The following SELENOI variants were observed in gnomAD, a reference collection of about 807,000 sequenced individuals.
The protein encoded by SELENOI is selenoprotein I.
SELENOI carries 24 observed loss-of-function variants against 50.7 expected under a neutral mutation model. The observed-to-expected ratio is 0.47, with a 90% CI of 0.34 to 0.67. The LOEUF is 0.67. Ranked by LOEUF, SELENOI falls within the 30% of genes least tolerant of loss-of-function variation. The pLI is 0.01. For missense variants in SELENOI, 352 were observed against 461.4 expected, an observed-to-expected ratio of 0.76 and a Z score of 2.17; for synonymous variants, 155 against 170.2, an observed-to-expected ratio of 0.91 and a Z score of 0.70.
At chr2:26,384,841 A>G in intron 7 of SELENOI, 118 bp from the exon 8 acceptor site, 1 of 663,834 alleles carries the variant, frequency 1.5e-6, no homozygotes, top group Non-Finnish European at 2.3e-6. Flanking sequence ...TGTCTATGCC[A>G]CAAGATTATT....
At chr2:26,355,929 A>G (rs2147945580) in intron 1 of SELENOI, among the ~76,000 whole-genome samples, 1 of 151,846 alleles carries the variant, frequency 6.6e-6, no homozygotes, top group Middle Eastern at 3.4e-3. Context: ...TTTTGTAGAA[A>G]TGGGGTTTCT....
chr2:26,362,421 A>G (rs973668273), intron 1 of SELENOI, among the ~76,000 whole-genome samples: 2 of 152,222 alleles, frequency 1.3e-5, no homozygotes, highest in Non-Finnish European at 2.9e-5. Context: ...AGATACTCAA[A>G]TGATTACTAC....
rs1294757780 is a variant in SELENOI, at chr2:26,389,002, T to C, written c.1096-3T>C. The C allele has an allele frequency of 2.5e-6, 4 of 1,576,244 alleles. No homozygotes were observed. The highest frequency in any genetic ancestry group is 3.5e-6 in the Non-Finnish European group (4 of 1,158,628). On this transcript the variant is annotated splice_polypyrimidine_tract_variant and splice_region_variant and intron_variant, in intron 9 of 9. Transcript: ENST00000260585. Reference sequence around the variant, plus strand: ...CACTGTCTCATGTTCTGATTTTTCATAGGTAAAGCAGCTGAGCAGCCATTT... The same window carrying C: ...CACTGTCTCATGTTCTGATTTTTCACAGGTAAAGCAGCTGAGCAGCCATTT...
chr2:26,382,678 TAG>T (rs2147961484), intron 6 of SELENOI, among the ~76,000 whole-genome samples: 1 of 152,130 alleles, frequency 6.6e-6, no homozygotes, highest in South Asian at 2.1e-4. Context: ...CGAATGGAAG[TAG>T]CTAGGGGGAG....
chr2:26,380,049 C>T (rs777657993), intron 6 of SELENOI, among the ~76,000 whole-genome samples: 4 of 152,202 alleles, frequency 2.6e-5, no homozygotes, highest in Non-Finnish European at 5.9e-5. Context: ...TTAAAGTCAC[C>T]ACTCTGTGGT....
chr2:26,366,418 A>G (rs1252169628), intron 3 of SELENOI, among the ~76,000 whole-genome samples: 1 of 152,174 alleles, frequency 6.6e-6, no homozygotes, highest in Non-Finnish European at 1.5e-5. Context: ...ACTCTAAATA[A>G]GATTATTTAC....
rs1375093800 is a variant in SELENOI, at chr2:26,370,572, GCGCCCC to G, written c.311-2794_311-2789del. On this transcript the variant is annotated intron_variant, in intron 4 of 9. Coordinates refer to ENST00000260585, the MANE Select transcript of SELENOI (RefSeq NM_033505.4). ...TCCCAGTAGGGGCCACCGGGCAGAG[GCGCCCC>G]TCACCTCCCGGACGGGGCGGCTGGC... Among the ~76,000 whole-genome samples, 114 of 78,728 alleles carry G rather than the reference GCGCCCC, an allele frequency of 1.4e-3. 13 individuals carry two copies. Among genetic ancestry groups the G allele is most frequent in the African/African-American group, 3.8e-3 (86 of 22,902 alleles). 51.6% of individuals were successfully genotyped at this position (78,728 alleles called of 152,430 possible). A position where few individuals can be genotyped will look rare whatever the true frequency, so the allele number is the denominator to read the frequency against.
chr2:26,360,833 A>T (rs968910048), intron 1 of SELENOI, among the ~76,000 whole-genome samples: 1 of 152,174 alleles, frequency 6.6e-6, no homozygotes, highest in African/African-American at 2.4e-5. Flanking sequence ...CTGAAGACTT[A>T]AATTCAGGCA....
intron 1 of SELENOI, among the ~76,000 whole-genome samples, chr2:26,363,782 T>A (rs1240463013): frequency 6.6e-6 from 1 of 152,130 alleles, no homozygotes; most frequent in Non-Finnish European, 1.5e-5. Flanking sequence ...TATTATTATT[T>A]TTGAGACTCA....
Position 26,354,629 on chromosome 2 carries a change from G to T in SELENOI, c.57+8340G>T, listed in dbSNP as rs561055026. Reference sequence around the variant, plus strand: ...GATGGTCTTGATCTCCTGACTTCATGATTCGCCCGCCTTGGCCTTCCAAAG... The same window carrying T: ...GATGGTCTTGATCTCCTGACTTCATTATTCGCCCGCCTTGGCCTTCCAAAG... On this transcript the variant is annotated intron_variant, in intron 1 of 9. Coordinates refer to ENST00000260585, the MANE Select transcript of SELENOI (RefSeq NM_033505.4). 2.8e-4 allele frequency among the ~76,000 whole-genome samples: 43 copies of T among 151,994 alleles called. No homozygotes were observed. The South Asian group carries it at 8.9e-3, about 32-fold the overall frequency.
chr2:26,354,446 G>C (rs1012112926), intron 1 of SELENOI, among the ~76,000 whole-genome samples: 6 of 152,138 alleles, frequency 3.9e-5, no homozygotes, highest in Non-Finnish European at 7.3e-5. Context: ...GAGTGCAGTG[G>C]TGCGATCTCG....
chr2:26,349,932 CAAAAAAAAAA>C (rs70950184), intron 1 of SELENOI, among the ~76,000 whole-genome samples: 1 of 55,286 alleles, frequency 1.8e-5, no homozygotes, highest in Middle Eastern at 0.011. Context: ...CTCATCTCCA[CAAAAAAAAAA>C]AAAAAAAAAA....
intron 1 of SELENOI, among the ~76,000 whole-genome samples, chr2:26,357,399 T>C (rs1218318802): frequency 6.6e-6 from 1 of 152,232 alleles, no homozygotes; most frequent in Non-Finnish European, 1.5e-5. Flanking sequence ...CTCTTCTTTT[T>C]TGGGAGCTGG....
chr2:26,388,960 A>G (rs757469362), intron 9 of SELENOI, 45 bp from the exon 10 acceptor site: 2 of 1,408,344 alleles, frequency 1.4e-6, no homozygotes, highest in South Asian at 1.2e-5. Flanking sequence ...TTAAAAAACA[A>G]TAAGGTACAT....
chr2:26,358,445 C>G (rs182290936), intron 1 of SELENOI, among the ~76,000 whole-genome samples: 1 of 152,224 alleles, frequency 6.6e-6, no homozygotes, highest in Admixed American at 6.5e-5. Flanking sequence ...GTCTCAAACT[C>G]CTGGGCTCAA....
intron 9 of SELENOI, among the ~76,000 whole-genome samples, chr2:26,386,892 T>C (rs1677855311): frequency 6.6e-6 from 1 of 152,250 alleles, no homozygotes; most frequent in South Asian, 2.1e-4. Context: ...GTTAATTATC[T>C]ATTTCTTCAC....
intron 1 of SELENOI, among the ~76,000 whole-genome samples, chr2:26,362,857 C>A (rs1574753527): frequency 6.6e-6 from 1 of 152,134 alleles, no homozygotes; most frequent in East Asian, 1.9e-4. Flanking sequence ...ATACTGTGAA[C>A]CCTCAAGGAG....
chr2:26,379,300 G>A (rs540167859), intron 6 of SELENOI, among the ~76,000 whole-genome samples: 6 of 152,198 alleles, frequency 3.9e-5, no homozygotes, highest in East Asian at 1.9e-4. Flanking sequence ...TTTAATCTAC[G>A]TAGCTTTTCC....
At chr2:26,346,925 ACCC>A (rs1676791972) in intron 1 of SELENOI, 1 of 152,146 alleles carries the variant, frequency 6.6e-6, no homozygotes, top group Non-Finnish European at 1.5e-5. Context: ...CGTCATTTTA[ACCC>A]CGCTCAGCCT....
Sources: allele counts gnomAD v4.1 joint callset (sites outside exome capture counted in the v4.1 genomes callset), GRCh38; gene constraint gnomAD v4.1.1; transcripts MANE v1.5; gene names NCBI Gene and HGNC (gene_info 2026-07-23, HGNC 2026-07-21).